The following CCDC91 variants were observed in gnomAD, a reference collection of about 807,000 sequenced individuals.
CCDC91 encodes coiled-coil domain containing 91, also known as coiled-coil domain-containing protein 91.
Under a neutral mutation model 63.2 loss-of-function variants are expected in CCDC91, and 48 were observed. That is an observed-to-expected ratio of 0.76 (90% confidence interval 0.60 to 0.97). The LOEUF is 0.97. Ranked by LOEUF, CCDC91 falls within the 50% of genes least tolerant of loss-of-function variation. The probability of loss-of-function intolerance (pLI) is 0.00; values close to 1 mark genes in which losing one functional copy is unlikely to be tolerated. For missense variants in CCDC91, 500 were observed against 494.6 expected, an observed-to-expected ratio of 1.01 and a Z score of -0.10; for synonymous variants, 167 against 165.8, an observed-to-expected ratio of 1.01 and a Z score of -0.06.
intron 8 of CCDC91, among the ~76,000 whole-genome samples, chr12:28,425,946 A>T (rs1446519491): frequency 6.6e-6 from 1 of 152,196 alleles, no homozygotes. Context: ...CACAATGTTC[A>T]TCCTGTTTCT....
At chr12:28,238,299 T>C (rs1945102460) in intron 1 of CCDC91, among the ~76,000 whole-genome samples, 1 of 152,138 alleles carries the variant, frequency 6.6e-6, no homozygotes, top group Admixed American at 6.6e-5. Context: ...GCCAACAACA[T>C]ATTAAAAGAT....
At chr12:28,291,098 C>G (rs1179391673) in intron 3 of CCDC91, among the ~76,000 whole-genome samples, 1 of 152,068 alleles carries the variant, frequency 6.6e-6, no homozygotes, top group African/African-American at 2.4e-5. Context: ...CTTTATTAAG[C>G]AAATTAGGAA....
intron 12 of CCDC91, among the ~76,000 whole-genome samples, chr12:28,508,111 T>A (rs1314433729): frequency 7.2e-5 from 11 of 151,876 alleles, no homozygotes; most frequent in Admixed American, 7.2e-4. Context: ...AGTACATTAG[T>A]CCTGAAGGCA....
At chr12:28,487,675 A>G (rs1420702679) in intron 12 of CCDC91, among the ~76,000 whole-genome samples, 1 of 151,526 alleles carries the variant, frequency 6.6e-6, no homozygotes, top group African/African-American at 2.4e-5. Flanking sequence ...TAAAGAGTCA[A>G]CTTGAGATTT....
At chr12:28,290,166 C>A (rs193142827) in intron 3 of CCDC91, among the ~76,000 whole-genome samples, 3 of 151,954 alleles carry the variant, frequency 2.0e-5, no homozygotes, top group Non-Finnish European at 4.4e-5. Flanking sequence ...GTCCCTATGA[C>A]CTTGCTTTAT....
At chr12:28,305,611 A>G (rs767897311) in intron 3 of CCDC91, 38 bp from the exon 4 acceptor site, 1 of 1,556,832 alleles carries the variant, frequency 6.4e-7, no homozygotes, top group East Asian at 2.3e-5. Context: ...TTTCTCTTTA[A>G]TAATCCTATC....
chr12:28,477,618 G>A (rs775912160), intron 11 of CCDC91, among the ~76,000 whole-genome samples: 8 of 152,116 alleles, frequency 5.3e-5, no homozygotes, highest in Non-Finnish European at 1.2e-4. Context: ...TCTGGCCGGG[G>A]CAATCAGGCA....
chr12:28,465,613 A>C (rs906809446), intron 11 of CCDC91, among the ~76,000 whole-genome samples: 6 of 152,216 alleles, frequency 3.9e-5, no homozygotes, highest in African/African-American at 1.4e-4. Flanking sequence ...CACAGCATTC[A>C]GTAAGGGTCT....
intron 12 of CCDC91, among the ~76,000 whole-genome samples, chr12:28,527,040 G>C (rs1039301048): frequency 1.3e-5 from 2 of 151,874 alleles, no homozygotes; most frequent in African/African-American, 4.8e-5. Flanking sequence ...TCCTTACATT[G>C]GACTTTGCCT....
intron 3 of CCDC91, among the ~76,000 whole-genome samples, chr12:28,293,072 T>C (rs1949346389): frequency 6.6e-6 from 1 of 152,304 alleles, no homozygotes; most frequent in Middle Eastern, 3.4e-3. Context: ...AAAGAAGATT[T>C]TAATTTCAAA....
chr12:28,255,797 C>G (rs1004565031), intron 1 of CCDC91: 4 of 152,006 alleles, frequency 2.6e-5, no homozygotes, highest in African/African-American at 9.7e-5. Flanking sequence ...ATTTCCTTTG[C>G]CTGTTAAAAC....
chr12:28,356,679 T>A (rs1165941430), intron 6 of CCDC91, among the ~76,000 whole-genome samples: 1 of 152,172 alleles, frequency 6.6e-6, no homozygotes, highest in African/African-American at 2.4e-5. Context: ...CAATCAGATA[T>A]TATTTGCTAA....
At chr12:28,424,288 T>C (rs1276217091) in intron 8 of CCDC91, among the ~76,000 whole-genome samples, 1 of 152,146 alleles carries the variant, frequency 6.6e-6, no homozygotes, top group African/African-American at 2.4e-5. Context: ...TTTTCCAAAT[T>C]GAAGAATCCA....
intron 6 of CCDC91, among the ~76,000 whole-genome samples, chr12:28,315,153 G>GTA (rs10630087): frequency 0.39 from 57,005 of 147,760 alleles, 10,924 homozygotes; most frequent in South Asian, 0.44. Flanking sequence ...TGTGTCAGTT[G>GTA]TATATATATA....
At chr12:28,234,672 T>C (rs1289205501) in intron 1 of CCDC91, among the ~76,000 whole-genome samples, 2 of 152,100 alleles carry the variant, frequency 1.3e-5, no homozygotes, top group African/African-American at 4.8e-5. Flanking sequence ...ATGGAGAGCA[T>C]TGGTTAACAT....
chr12:28,393,321 T>TA lies in CCDC91; in HGVS notation c.762+1912dup, dbSNP rs1312846525. 4.6e-5 allele frequency among the ~76,000 whole-genome samples: 7 copies of TA among 152,226 alleles called. No individual in the cohort carries two copies. The East Asian group carries it at 5.8e-4, about 13-fold the overall frequency. The stretch of plus-strand genomic sequence containing the variant: ...TGTCCTTTATAGTAGTCAGCTCTGT[T>TA]AAGGCCGTATCCACAGTTGTTTTAG... On this transcript the variant is annotated intron_variant, in intron 8 of 12. Transcript: ENST00000536442.
chr12:28,368,137 C>T (rs1419821934), intron 7 of CCDC91, among the ~76,000 whole-genome samples: 1 of 152,086 alleles, frequency 6.6e-6, no homozygotes, highest in Non-Finnish European at 1.5e-5. Context: ...TTCCCTCAAC[C>T]AAAAATTGAA....
chr12:28,348,180 A>G (rs1166328032), intron 6 of CCDC91, among the ~76,000 whole-genome samples: 2 of 152,232 alleles, frequency 1.3e-5, no homozygotes, highest in Admixed American at 6.5e-5. Flanking sequence ...AATACTGTCA[A>G]TTCCTGTCAA....
chr12:28,433,418 A>G (rs1948734741), intron 8 of CCDC91, among the ~76,000 whole-genome samples: 1 of 151,966 alleles, frequency 6.6e-6, no homozygotes, highest in Non-Finnish European at 1.5e-5. Flanking sequence ...GTGTCTAGAT[A>G]TAGTTTTTTG....
Sources: gnomAD v4.1 joint callset for allele counts (sites outside exome capture counted in the v4.1 genomes callset) on GRCh38, gnomAD v4.1.1 for gene constraint, MANE v1.5 for transcripts, NCBI Gene and HGNC (gene_info 2026-07-23, HGNC 2026-07-21) for gene names.